The following UBE3D variants were observed in gnomAD, a reference collection of about 807,000 sequenced individuals.
UBE3D encodes the protein E3 ubiquitin-protein ligase E3D.
Under a neutral mutation model 49.6 loss-of-function variants are expected in UBE3D, and 48 were observed. The ratio of observed to expected loss-of-function variants is 0.97; its 90% CI spans 0.77 to 1.23. The LOEUF is 1.23. Ranked by LOEUF, UBE3D falls within the 50% of genes most tolerant of loss-of-function variation. The probability of loss-of-function intolerance (pLI) is 0.00; values close to 1 mark genes in which losing one functional copy is unlikely to be tolerated. For missense variants in UBE3D, 452 were observed against 468.4 expected, an observed-to-expected ratio of 0.96 and a Z score of 0.32; for synonymous variants, 189 against 174.2, an observed-to-expected ratio of 1.08 and a Z score of -0.67.
chr6:83,027,939 T>C (rs1781598402), intron 5 of UBE3D, among the ~76,000 whole-genome samples: 1 of 152,186 alleles, frequency 6.6e-6, no homozygotes, highest in African/African-American at 2.4e-5. Flanking sequence ...CTCTCTCTTC[T>C]ATATTTTTTG....
At chr6:83,038,221 T>G (rs147747828) in intron 5 of UBE3D, 195 bp downstream of exon 5, 10 of 493,828 alleles carry the variant, frequency 2.0e-5, no homozygotes, top group African/African-American at 1.8e-4. Flanking sequence ...AATTCAATAC[T>G]CTGTATTTAT....
chr6:83,012,346 A>T (rs1443773717), intron 8 of UBE3D, among the ~76,000 whole-genome samples: 1 of 152,198 alleles, frequency 6.6e-6, no homozygotes, highest in African/African-American at 2.4e-5. Context: ...ACCCCAAAAA[A>T]TGGTGCCATA....
At chr6:82,935,322 T>C (rs977004220) in intron 9 of UBE3D, among the ~76,000 whole-genome samples, 5 of 152,010 alleles carry the variant, frequency 3.3e-5, no homozygotes, top group African/African-American at 1.2e-4. Context: ...AGCTAGCCCA[T>C]GCCATTCATG....
intron 2 of UBE3D, 76 bp from the exon 3 acceptor site, chr6:83,054,314 C>T: frequency 9.1e-7 from 1 of 1,096,924 alleles, no homozygotes; most frequent in Non-Finnish European, 1.4e-6. Flanking sequence ...GTTCAATAGC[C>T]ACGATAAATT....
rs1582336524 is a variant in UBE3D, at chr6:82,917,893, T to C, written c.1150-24851A>G. ...GTGCTGTCTCTCTAAACTCTGCCAC[T>C]GCTTAACCCTTGCTGCTATTGTAGC... On this transcript the variant is annotated intron_variant, in intron 9 of 9. Transcript: ENST00000369747. 2.0e-5 allele frequency among the ~76,000 whole-genome samples: 3 copies of C among 152,346 alleles called. No individual in the cohort carries two copies. In the East Asian group the frequency reaches 5.8e-4, roughly 29 times the overall value.
intron 3 of UBE3D, among the ~76,000 whole-genome samples, chr6:83,052,196 G>A (rs1445007552): frequency 6.6e-6 from 1 of 152,140 alleles, no homozygotes; most frequent in African/African-American, 2.4e-5. Context: ...GGCACAGAAT[G>A]GTTAAGTAAC....
chr6:82,883,746 T>A, the UBE3D span, among the ~76,000 whole-genome samples: 1 of 152,146 alleles, frequency 6.6e-6, no homozygotes, highest in Admixed American at 6.5e-5. Flanking sequence ...AAAGCCATAG[T>A]CCCAAACTTA....
intron 2 of UBE3D, among the ~76,000 whole-genome samples, chr6:83,056,380 A>G (rs1021534332): frequency 2.0e-5 from 3 of 152,164 alleles, no homozygotes; most frequent in Non-Finnish European, 4.4e-5. Flanking sequence ...AACTGTTGTG[A>G]AGGAGAAGGT....
Position 82,924,042 on chromosome 6 carries a change from C to CT in UBE3D, c.1150-31001dup, listed in dbSNP as rs564531822. 2.5e-3 allele frequency among the ~76,000 whole-genome samples: 364 copies of CT among 147,086 alleles called. 1 individual carries two copies. Among genetic ancestry groups the CT allele is most frequent in the South Asian group, 9.5e-3 (44 of 4,654 alleles). ...AAAATGGTGAAGCAGTGAAAAGAGG[C>CT]TTTTTTTTTTCTTAAGCAGAAGCAT... On this transcript the variant is annotated intron_variant, in intron 9 of 9. Transcript: ENST00000369747.
rs185356748 is a variant in UBE3D, at chr6:83,031,418, G to C, written c.667+6998C>G. 7.2e-5 allele frequency among the ~76,000 whole-genome samples: 11 copies of C among 152,294 alleles called. No individual in the cohort carries two copies. In the East Asian group the frequency reaches 2.1e-3, roughly 29 times the overall value. On this transcript the variant is annotated intron_variant, in intron 5 of 9. Coordinates refer to ENST00000369747, the MANE Select transcript of UBE3D (RefSeq NM_198920.3). ...TAGAAAAGAAAAACCCATTTTCTGG[G>C]GGGAAATTCAAGCCTGCTTGCATCT...
chr6:82,965,475 C>G (rs1296294936), intron 8 of UBE3D, among the ~76,000 whole-genome samples: 2 of 150,380 alleles, frequency 1.3e-5, no homozygotes, highest in Non-Finnish European at 3.0e-5. Context: ...CCCAGCTACT[C>G]GGGAGACTGA....
intron 8 of UBE3D, among the ~76,000 whole-genome samples, chr6:82,958,891 C>A (rs577554642): frequency 1.9e-4 from 29 of 152,138 alleles, no homozygotes; most frequent in Admixed American, 3.9e-4. Flanking sequence ...GCACAGAGTG[C>A]CAAAATGAGG....
At chr6:83,058,105 CTCTT>C (rs1251031098) in intron 1 of UBE3D, 83 bp from the exon 2 acceptor site, 339 of 1,336,718 alleles carry the variant, frequency 2.5e-4, no homozygotes, top group Non-Finnish European at 3.3e-4. Context: ...GGCCAAGGAT[CTCTT>C]TCTTCCTCTT....
chr6:83,046,838 A>G (rs964156065), intron 3 of UBE3D, among the ~76,000 whole-genome samples: 2 of 152,200 alleles, frequency 1.3e-5, no homozygotes, highest in African/African-American at 4.8e-5. Flanking sequence ...ATTCAAGGCA[A>G]TAAACACAAA....
At chr6:82,971,227 A>C in intron 8 of UBE3D, among the ~76,000 whole-genome samples, 1 of 152,106 alleles carries the variant, frequency 6.6e-6, no homozygotes, top group Non-Finnish European at 1.5e-5. Flanking sequence ...ATTTAGGAAA[A>C]GTTTTCAGAA....
chr6:82,901,513 C>T (rs1029194005), intron 9 of UBE3D, among the ~76,000 whole-genome samples: 13 of 152,262 alleles, frequency 8.5e-5, no homozygotes, highest in Non-Finnish European at 1.6e-4. Flanking sequence ...AATAGGTTGT[C>T]CAGGTGATTC....
At chr6:83,039,013 G>A (rs1032160775) in intron 4 of UBE3D, among the ~76,000 whole-genome samples, 7 of 152,068 alleles carry the variant, frequency 4.6e-5, no homozygotes, top group Non-Finnish European at 7.4e-5. Context: ...ACTTAGGATC[G>A]GCACTGTAAC....
chr6:82,998,393 T>C (rs1779393407), intron 8 of UBE3D, among the ~76,000 whole-genome samples: 1 of 152,232 alleles, frequency 6.6e-6, no homozygotes, highest in South Asian at 2.1e-4. Context: ...GCAGTTCCTT[T>C]ACATAATAAA....
chr6:82,957,422 T>C lies in UBE3D; in HGVS notation c.1039A>G (p.Ser347Gly), dbSNP rs1776241188. 6.2e-7 allele frequency: 1 copy of C among 1,613,904 alleles called. No individual in the cohort carries two copies. The highest frequency in any genetic ancestry group is 1.3e-5 in the African/African-American group (1 of 74,920). ...KLVSLWESDI[S>G]VHPLTLPSAT... ...GAGGGCAGGGTTAGCGGGTGGACGC[T>C]GATGTCACTTTCCCACAAGCTGACA... The change falls in exon 9 of 10, where the codon AGC (serine) becomes GGC (glycine). Residue 347 changes from serine (S) to glycine (G), a missense_variant. By Grantham distance (56) the Ser-to-Gly change is moderately conservative. Transcript: ENST00000369747.
Sources: gnomAD v4.1 joint callset for allele counts (sites outside exome capture counted in the v4.1 genomes callset) on GRCh38, gnomAD v4.1.1 for gene constraint, MANE v1.5 for transcripts, NCBI Gene and HGNC (gene_info 2026-07-23, HGNC 2026-07-21) for gene names.